The following ALCAM variants were observed in gnomAD, a reference collection of about 807,000 sequenced individuals.
The protein encoded by ALCAM is activated leukocyte cell adhesion molecule.
Under a neutral mutation model 70.9 loss-of-function variants are expected in ALCAM, and 30 were observed. The ratio of observed to expected loss-of-function variants is 0.42; its 90% CI spans 0.32 to 0.57. The LOEUF (loss-of-function observed/expected upper bound fraction) is 0.57. ALCAM is among the 20% of genes least tolerant of loss of function. ALCAM has a pLI of 0.11. For synonymous variants in ALCAM, 249 were observed against 242.5 expected, an observed-to-expected ratio of 1.03 and a Z score of -0.25; for missense variants, 591 against 695.1, an observed-to-expected ratio of 0.85 and a Z score of 1.68.
At chr3:105,399,007 T>C (rs1250343033) in intron 1 of ALCAM, among the ~76,000 whole-genome samples, 2 of 152,138 alleles carry the variant, frequency 1.3e-5, no homozygotes, top group Non-Finnish European at 2.9e-5. Flanking sequence ...GTTACTTTGG[T>C]TAGTTTACTC....
At chr3:105,494,946 C>T (rs1449281614) in intron 1 of ALCAM, among the ~76,000 whole-genome samples, 2 of 152,140 alleles carry the variant, frequency 1.3e-5, no homozygotes, top group Non-Finnish European at 2.9e-5. Context: ...TAGGCATGAA[C>T]CACTGCACCT....
intron 1 of ALCAM, among the ~76,000 whole-genome samples, chr3:105,460,445 A>T (rs949649047): frequency 6.6e-6 from 1 of 152,016 alleles, no homozygotes; most frequent in East Asian, 1.9e-4. Context: ...AAAGGTTTCA[A>T]AGTGCTATTT....
At chr3:105,505,856 T>C (rs985996256) in intron 1 of ALCAM, among the ~76,000 whole-genome samples, 6 of 152,160 alleles carry the variant, frequency 3.9e-5, no homozygotes, top group African/African-American at 1.4e-4. Flanking sequence ...TTTTTTCATT[T>C]TCAAAAGATT....
At chr3:105,431,914 A>G (rs1034014642) in intron 1 of ALCAM, among the ~76,000 whole-genome samples, 1 of 152,164 alleles carries the variant, frequency 6.6e-6, no homozygotes, top group Non-Finnish European at 1.5e-5. Flanking sequence ...TTTAGATTAT[A>G]ATGAAATCTT....
At chr3:105,370,895 G>A (rs1371869048) in intron 1 of ALCAM, among the ~76,000 whole-genome samples, 2 of 152,134 alleles carry the variant, frequency 1.3e-5, no homozygotes, top group African/African-American at 4.8e-5. Context: ...AGAATGAGAT[G>A]TAAATTATGG....
chr3:105,405,207 G>T (rs1465603933), intron 1 of ALCAM, among the ~76,000 whole-genome samples: 2 of 149,958 alleles, frequency 1.3e-5, no homozygotes, highest in Non-Finnish European at 3.0e-5. Context: ...AACCTGGGAG[G>T]TGGAGGTTGC....
At chr3:105,496,587 G>A (rs886642860) in intron 1 of ALCAM, among the ~76,000 whole-genome samples, 2 of 152,068 alleles carry the variant, frequency 1.3e-5, no homozygotes, top group East Asian at 3.9e-4. Context: ...TGGACTTGTC[G>A]TACCAGTCAC....
intron 2 of ALCAM, among the ~76,000 whole-genome samples, chr3:105,520,395 T>C (rs1939504722): frequency 6.6e-6 from 1 of 152,198 alleles, no homozygotes; most frequent in Non-Finnish European, 1.5e-5. Context: ...TAGAATGTAT[T>C]AGTCTGAAAG....
chr3:105,477,680 TTCTC>T (rs1454640524), intron 1 of ALCAM, among the ~76,000 whole-genome samples: 1 of 152,060 alleles, frequency 6.6e-6, no homozygotes, highest in Non-Finnish European at 1.5e-5. Context: ...TTCTGCCTCA[TTCTC>T]TCTCTACTCT....
chr3:105,567,272 C>G (rs1297175590), intron 14 of ALCAM, among the ~76,000 whole-genome samples: 1 of 152,154 alleles, frequency 6.6e-6, no homozygotes, highest in Non-Finnish European at 1.5e-5. Context: ...TTTGGATCTT[C>G]AAGTTAATGG....
At chr3:105,403,325 C>A (rs1275162764) in intron 1 of ALCAM, among the ~76,000 whole-genome samples, 1 of 152,108 alleles carries the variant, frequency 6.6e-6, no homozygotes, top group Non-Finnish European at 1.5e-5. Flanking sequence ...AAAACACAAC[C>A]AGGGACCCTT....
chr3:105,399,307 G>C (rs1334430652), intron 1 of ALCAM, among the ~76,000 whole-genome samples: 2 of 151,884 alleles, frequency 1.3e-5, no homozygotes, highest in Non-Finnish European at 2.9e-5. Flanking sequence ...TTGCATGCCT[G>C]TTACCTTTCT....
chr3:105,541,669 A>G lies in ALCAM; in HGVS notation c.895A>G (p.Thr299Ala), dbSNP rs1186630797. The part of the protein sequence containing the change: ...PEGIRSSNTY[T>A]LTDVRRNATG... ...AGGAATAAGAAGCTCAAATACTTACACACTGACGGATGTGAGGCGCAATGC... is the reference window on the plus strand; with the variant it reads ...AGGAATAAGAAGCTCAAATACTTACGCACTGACGGATGTGAGGCGCAATGC... The change falls in exon 8 of 16, where the codon ACA becomes GCA. Residue 299 changes from threonine (T) to alanine (A), a missense_variant. Physicochemically the swap from Thr to Ala is moderately conservative, Grantham distance 58. Coordinates refer to ENST00000306107, the MANE Select transcript of ALCAM (RefSeq NM_001627.4). 5 of 1,612,134 alleles carry G rather than the reference A, an allele frequency of 3.1e-6. No individual in the cohort carries two copies. Among genetic ancestry groups the G allele is most frequent in the Admixed American group, 1.7e-5 (1 of 59,818 alleles).
intron 1 of ALCAM, among the ~76,000 whole-genome samples, chr3:105,515,657 A>G (rs115155452): frequency 0.019 from 2,897 of 152,082 alleles, 31 homozygotes; most frequent in Middle Eastern, 0.054. Flanking sequence ...GCTACTGCTA[A>G]ACATCCTGTA....
intron 14 of ALCAM, among the ~76,000 whole-genome samples, chr3:105,570,353 A>G (rs186430607): frequency 2.0e-5 from 3 of 152,302 alleles, no homozygotes; most frequent in African/African-American, 7.2e-5. Flanking sequence ...TTCAGTTCCA[A>G]AATGTCAATT....
intron 6 of ALCAM, among the ~76,000 whole-genome samples, chr3:105,537,641 A>T (rs1351858426): frequency 6.6e-6 from 1 of 152,014 alleles, no homozygotes; most frequent in East Asian, 1.9e-4. Context: ...CATTTAGCAA[A>T]TACCCATTTA....
At chr3:105,543,160 G>A (rs901652796) in intron 8 of ALCAM, among the ~76,000 whole-genome samples, 2 of 151,598 alleles carry the variant, frequency 1.3e-5, no homozygotes, top group African/African-American at 4.8e-5. Flanking sequence ...TAAAAGAAAA[G>A]GGCTCTTATT....
chr3:105,494,723 G>T (rs548572879), intron 1 of ALCAM, among the ~76,000 whole-genome samples: 2 of 150,924 alleles, frequency 1.3e-5, no homozygotes, highest in South Asian at 2.1e-4. Context: ...GTAACGTCAC[G>T]ATCATAGCCT....
In ALCAM at chr3:105,532,077, T is replaced by C; in HGVS notation, c.459+11T>C. On this transcript the variant is annotated intron_variant, in intron 4 of 15. Transcript: ENST00000306107. ...GAGCAGCTAAAAAAGGTAAGAATTG[T>C]TTTTGATTAATACCTTTATTTAGCC... is the stretch of plus-strand genomic sequence containing the variant. The C allele has an allele frequency of 6.2e-7, 1 of 1,609,078 alleles. No homozygotes were observed. Among genetic ancestry groups the C allele is most frequent in the South Asian group, 1.1e-5 (1 of 90,824 alleles).
Sources: gnomAD v4.1 joint callset for allele counts (sites outside exome capture counted in the v4.1 genomes callset) on GRCh38, gnomAD v4.1.1 for gene constraint, MANE v1.5 for transcripts, NCBI Gene and HGNC (gene_info 2026-07-23, HGNC 2026-07-21) for gene names.